The following CDKL5 variants were observed in gnomAD, a reference collection of about 807,000 sequenced individuals.
The protein encoded by CDKL5 is cyclin-dependent kinase-like 5.
Under a neutral mutation model 61.7 loss-of-function variants are expected in CDKL5, and 8 were observed. That is an observed-to-expected ratio of 0.13 (90% CI 0.08 to 0.23). CDKL5 has a LOEUF of 0.23. CDKL5 is among the 10% of genes least tolerant of loss of function. The pLI, the probability that CDKL5 is intolerant of heterozygous loss-of-function variation, is 1.00. For synonymous variants in CDKL5, 275 were observed against 272.3 expected (o/e 1.01, Z -0.10); for missense variants, 440 against 734.5 (o/e 0.60, Z 4.63).
At chrX:18,475,948 A>G (rs917678186) in intron 1 of CDKL5, among the ~76,000 whole-genome samples, 1 of 112,110 alleles carries the variant, frequency 8.9e-6, no homozygotes, top group African/African-American at 3.2e-5. Flanking sequence ...TACTATTCCT[A>G]TTTCTTAGTA....
intron 1 of CDKL5, among the ~76,000 whole-genome samples, chrX:18,427,570 A>G (rs1260242397): frequency 9.0e-6 from 1 of 111,252 alleles, no homozygotes; most frequent in African/African-American, 3.3e-5. Flanking sequence ...AGAGGGTATC[A>G]AATCTCTTTG....
rs942451865 is a variant in CDKL5, at chrX:18,575,585, C to T, written c.282+95C>T. The T allele has an allele frequency of 3.5e-5, 27 of 780,150 alleles. No homozygotes were observed. The African/African-American group carries it at 4.1e-4, about 12-fold the overall frequency. 64.3% of individuals were successfully genotyped at this position (780,150 alleles called of 1,213,427 possible). The stretch of plus-strand genomic sequence containing the variant: ...AAGAAAGTACTGTTATCTAATATGG[C>T]TTATCAATGTACTCATAATCTGAGG... On this transcript the variant is annotated intron_variant, in intron 5 of 17. Transcript: ENST00000623535.
At chrX:18,495,698 A>C (rs1217629707) in intron 1 of CDKL5, among the ~76,000 whole-genome samples, 1 of 110,893 alleles carries the variant, frequency 9.0e-6, no homozygotes, top group Non-Finnish European at 1.9e-5. Flanking sequence ...AATTTATCAA[A>C]CTCTCTAAGA....
At chrX:18,574,569 A>T (rs1465861047) in intron 4 of CDKL5, among the ~76,000 whole-genome samples, 1 of 112,096 alleles carries the variant, frequency 8.9e-6, no homozygotes, top group South Asian at 3.7e-4. Flanking sequence ...TAGAGTTAAT[A>T]TGACTTCTGT....
chrX:18,511,386 ATT>A (rs745518921), intron 3 of CDKL5, among the ~76,000 whole-genome samples: 1 of 105,191 alleles, frequency 9.5e-6, no homozygotes. Flanking sequence ...ATCACGTGCT[ATT>A]TTTTTTTTTC....
At chrX:18,481,553 G>A (rs1260287186) in intron 1 of CDKL5, among the ~76,000 whole-genome samples, 1 of 102,225 alleles carries the variant, frequency 9.8e-6, no homozygotes, top group Non-Finnish European at 2.0e-5. Context: ...TGTAGAGAAG[G>A]GGTTTTACCA....
At chrX:18,501,793 C>T (rs1052073326) in intron 1 of CDKL5, among the ~76,000 whole-genome samples, 14 of 111,449 alleles carry the variant, frequency 1.3e-4, no homozygotes, top group Non-Finnish European at 2.3e-4. Flanking sequence ...AGGTCATCTA[C>T]CTGCCTTGGC....
At chrX:18,569,527 T>A (rs927899413) in intron 4 of CDKL5, among the ~76,000 whole-genome samples, 1 of 111,741 alleles carries the variant, frequency 8.9e-6, no homozygotes, top group African/African-American at 3.2e-5. Flanking sequence ...TCTTCTACAG[T>A]GAGATTTGAT....
intron 3 of CDKL5, among the ~76,000 whole-genome samples, chrX:18,544,442 A>G (rs776919054): frequency 2.2e-4 from 25 of 112,157 alleles, no homozygotes; most frequent in Admixed American, 1.1e-3. Context: ...TTTTACTTGT[A>G]TCTTCTCATT....
chrX:18,503,735 ATGTTTTTGTTT>A (rs780792784), intron 1 of CDKL5, among the ~76,000 whole-genome samples: 30 of 111,366 alleles, frequency 2.7e-4, no homozygotes, highest in Non-Finnish European at 5.5e-4. Flanking sequence ...ACCCACAAGG[ATGTTTTTGTTT>A]TGTTTTTGTT....
intron 8 of CDKL5, among the ~76,000 whole-genome samples, chrX:18,587,292 T>G (rs189600973): frequency 1.3e-3 from 147 of 111,598 alleles, no homozygotes; most frequent in African/African-American, 4.5e-3. Flanking sequence ...AGCCCTCTGG[T>G]AAACTCACAC....
intron 20 of CDKL5, among the ~76,000 whole-genome samples, chrX:18,648,074 T>A (rs1271069861): frequency 9.0e-6 from 1 of 111,002 alleles, no homozygotes; most frequent in Non-Finnish European, 1.9e-5. Context: ...CGGTGACTCA[T>A]GCCTGTAATC....
At position 18,608,876 on chromosome X, in the gene CDKL5, A is replaced by G; in HGVS notation, c.2010A>G (p.Glu670=). The G allele has an allele frequency of 8.3e-7, 1 of 1,203,957 alleles. No homozygotes were observed. The highest frequency in any genetic ancestry group is 1.1e-6 in the Non-Finnish European group (1 of 888,524). Residue 670 remains glutamate, a synonymous_variant, in exon 13 of 18, where the codon GAA becomes GAG. Transcript: ENST00000623535. ...CTTCGGTCAAAGAGACCTCCAGAGA[A>G]GGCACCTCTTCCTTCCATACACGCC... ...ARSSVKETSR[E]GTSSFHTRQK...
chrX:18,550,560 G>C, intron 3 of CDKL5, among the ~76,000 whole-genome samples: 1 of 112,130 alleles, frequency 8.9e-6, no homozygotes, highest in Non-Finnish European at 1.9e-5. Context: ...ATAAATTACT[G>C]TTCCTGCCGC....
downstream of CDKL5, among the ~76,000 whole-genome samples, chrX:18,643,874 A>G (rs192454467): frequency 4.7e-4 from 52 of 110,977 alleles, 1 homozygote; most frequent in African/African-American, 1.6e-3. Flanking sequence ...CGTTTAGTCA[A>G]TGGTGAAGAA....
chrX:18,604,172 G>A lies in CDKL5; in HGVS notation c.1248G>A (p.Glu416=). The A allele has an allele frequency of 8.3e-7, 1 of 1,211,455 alleles. No individual in the cohort carries two copies. Among genetic ancestry groups the A allele is most frequent in the Non-Finnish European group, 1.1e-6 (1 of 895,375 alleles). The change falls in exon 12 of 18, where the codon GAG becomes GAA. Residue 416 remains glutamate (E), a synonymous_variant. Coordinates refer to ENST00000623535, the MANE Select transcript of CDKL5 (RefSeq NM_001323289.2). ...LSPKEAKSKT[E]FDFNIDPKPS... The stretch of plus-strand genomic sequence containing the variant: ...CAAAAGAAGCCAAGTCAAAAACAGA[G>A]TTTGATTTTAATATTGACCCAAAGC...
intron 1 of CDKL5, among the ~76,000 whole-genome samples, chrX:18,434,907 C>A (rs1931578026): frequency 9.0e-6 from 1 of 111,552 alleles, no homozygotes; most frequent in East Asian, 2.8e-4. Flanking sequence ...CAGCCTGGGC[C>A]ACAGAGTGAG....
intron 15 of CDKL5, among the ~76,000 whole-genome samples, chrX:18,619,533 A>G (rs1029260741): frequency 5.4e-5 from 6 of 111,759 alleles, no homozygotes; most frequent in Non-Finnish European, 1.1e-4. Context: ...TCCCTTGTAG[A>G]GTTACAGAAA....
At chrX:18,454,463 C>CT (rs1463221160) in intron 1 of CDKL5, among the ~76,000 whole-genome samples, 32 of 109,948 alleles carry the variant, frequency 2.9e-4, no homozygotes, top group African/African-American at 9.6e-4. Flanking sequence ...TTTCAAACTC[C>CT]TGACCTCATG....
Sources: gnomAD v4.1 joint callset for allele counts (sites outside exome capture counted in the v4.1 genomes callset) on GRCh38, gnomAD v4.1.1 for gene constraint, MANE v1.5 for transcripts, NCBI Gene and HGNC (gene_info 2026-07-23, HGNC 2026-07-21) for gene names.